The following ST7 variants were observed in gnomAD, a reference collection of about 807,000 sequenced individuals.
The protein encoded by ST7 is suppression of tumorigenicity 7, also known as suppressor of tumorigenicity 7 protein.
In ST7, 28 loss-of-function variants were observed where a neutral mutation model predicts 78.7. The observed-to-expected ratio is 0.36, with a 90% confidence interval of 0.26 to 0.49. The LOEUF (loss-of-function observed/expected upper bound fraction) is 0.49, where lower values mean the gene tolerates loss of function less well. Ranked by LOEUF, ST7 falls within the 20% of genes least tolerant of loss-of-function variation. The pLI is 0.99. For missense variants in ST7, 418 were observed against 696.0 expected (o/e 0.60, Z 4.49); for synonymous variants, 247 against 249.6 (o/e 0.99, Z 0.10).
At chr7:116,955,653 T>A (rs1792431657) in intron 1 of ST7, among the ~76,000 whole-genome samples, 1 of 152,242 alleles carries the variant, frequency 6.6e-6, no homozygotes, top group African/African-American at 2.4e-5. Flanking sequence ...CATTTGTATA[T>A]CACATTTTCA....
chr7:117,131,170 A>G (rs891005991), intron 5 of ST7, among the ~76,000 whole-genome samples: 28 of 151,966 alleles, frequency 1.8e-4, no homozygotes, highest in Non-Finnish European at 2.9e-4. Context: ...ATTCAAAGTA[A>G]ATAGGTGAAA....
chr7:117,171,100 A>G (rs939433080), intron 10 of ST7, 124 bp downstream of exon 10: 7 of 489,524 alleles, frequency 1.4e-5, no homozygotes, highest in Non-Finnish European at 2.4e-5. Context: ...TAGAATTTTC[A>G]CCTACAGTTT....
chr7:117,058,439 A>G (rs1290683782), intron 1 of ST7, among the ~76,000 whole-genome samples: 4 of 151,986 alleles, frequency 2.6e-5, no homozygotes, highest in South Asian at 2.1e-4. Context: ...TATCTTTTCT[A>G]TTGGTTGTTA....
At chr7:117,044,389 C>T (rs971588753) in intron 1 of ST7, among the ~76,000 whole-genome samples, 78 of 151,974 alleles carry the variant, frequency 5.1e-4, no homozygotes, top group African/African-American at 3.1e-4. Context: ...GCGTTTTTTT[C>T]GAGACAGAGT....
intron 9 of ST7, among the ~76,000 whole-genome samples, chr7:117,161,653 G>A (rs1807167228): frequency 7.2e-6 from 1 of 139,784 alleles, no homozygotes; most frequent in Non-Finnish European, 1.5e-5. Context: ...AGGCTGGAGT[G>A]CAATGACGCA....
chr7:116,969,309 T>C (rs570094713), intron 1 of ST7, among the ~76,000 whole-genome samples: 26 of 152,350 alleles, frequency 1.7e-4, no homozygotes, highest in African/African-American at 6.0e-4. Context: ...TTTCAGACTT[T>C]CCTTGTTTTT....
Position 117,115,248 on chromosome 7 carries a change from A to G in ST7, c.235-4313A>G, listed in dbSNP as rs560256298. ...CAGTTATTGCCTTCTAACCTGGGAA[A>G]CAGCTCATATCACACTCTACTTTCC... On this transcript the variant is annotated intron_variant, in intron 2 of 15. Coordinates refer to ENST00000323984, the MANE Select transcript of ST7 (RefSeq NM_001369598.1). Among the ~76,000 whole-genome samples, 58 of 152,094 alleles carry G rather than the reference A, an allele frequency of 3.8e-4. 1 individual carries two copies. Among genetic ancestry groups the G allele is most frequent in the Non-Finnish European group, 4.6e-4 (31 of 68,026 alleles).
At chr7:117,154,201 C>G (rs1806505941) in intron 9 of ST7, among the ~76,000 whole-genome samples, 1 of 152,076 alleles carries the variant, frequency 6.6e-6, no homozygotes, top group South Asian at 2.1e-4. Context: ...AAGACCAGTG[C>G]CCTTATAAGA....
chr7:117,116,572 C>T (rs1339983314), intron 2 of ST7, among the ~76,000 whole-genome samples: 10 of 152,104 alleles, frequency 6.6e-5, no homozygotes, highest in Admixed American at 6.6e-4. Context: ...GCTTTGAGTT[C>T]TTCCCTTCTT....
intron 3 of ST7, among the ~76,000 whole-genome samples, chr7:117,125,890 G>A (rs1240814032): frequency 1.3e-5 from 2 of 152,060 alleles, no homozygotes; most frequent in Non-Finnish European, 2.9e-5. Context: ...TAACAGGTTT[G>A]TTGCATGTAA....
rs146950753 is a variant in ST7, at chr7:116,999,292, A to G, written c.151+45601A>G. On this transcript the variant is annotated intron_variant, in intron 1 of 15. Transcript: ENST00000323984. ...TACTGCTGTCATCTTAGAGTTTCAA[A>G]TAGTAGAGAGGTAGAAAAATATTTT... Among the ~76,000 whole-genome samples, 42 of 152,330 alleles carry G rather than the reference A, an allele frequency of 2.8e-4. No individual in the cohort carries two copies. In the East Asian group the frequency reaches 7.9e-3, roughly 29 times the overall value.
chr7:116,959,654 A>G (rs1002816422), intron 1 of ST7: 1 of 154,930 alleles, frequency 6.5e-6, no homozygotes, highest in African/African-American at 2.4e-5. Context: ...ATGATGGGCC[A>G]TATGCATCTA....
intron 1 of ST7, chr7:117,073,849 C>T (rs1174412088): frequency 6.6e-6 from 1 of 152,206 alleles, no homozygotes; most frequent in Non-Finnish European, 1.5e-5. Flanking sequence ...CAGGAACTAA[C>T]TTAGACTTTT....
At chr7:116,962,768 G>T (rs1277337258) in intron 1 of ST7, among the ~76,000 whole-genome samples, 1 of 152,156 alleles carries the variant, frequency 6.6e-6, no homozygotes, top group East Asian at 1.9e-4. Context: ...TTCTTTTGCT[G>T]TGCAGAAGCT....
chr7:117,191,365 G>C (rs1809760379), intron 12 of ST7, among the ~76,000 whole-genome samples: 1 of 152,128 alleles, frequency 6.6e-6, no homozygotes, highest in Non-Finnish European at 1.5e-5. Flanking sequence ...ATAGTAATCA[G>C]TATTGGCAAG....
chr7:117,134,147 C>T lies in ST7; in HGVS notation c.665C>T (p.Pro222Leu). The T allele has an allele frequency of 6.2e-7, 1 of 1,611,834 alleles. No homozygotes were observed. The highest frequency in any genetic ancestry group is 8.5e-7 in the Non-Finnish European group (1 of 1,178,716). ...INEIRSRVEV[P>L]LIASSTIWEI... The stretch of plus-strand genomic sequence containing the variant: ...AGAATTAGGTCCAGAGTTGAAGTTC[C>T]CCTAATTGCTTCCTCTACCATCTGG... The change falls in exon 7 of 16, where the codon CCC becomes CTC. Residue 222 changes from proline (P) to leucine (L), a missense_variant. Transcript: ENST00000323984.
chr7:117,189,460 C>G, intron 11 of ST7, 67 bp downstream of exon 11: 1 of 1,319,822 alleles, frequency 7.6e-7, no homozygotes, highest in Non-Finnish European at 1.0e-6. Context: ...CCTCTGAGGG[C>G]TTTCTCTGGA....
At chr7:117,176,709 C>A (rs899872945) in intron 10 of ST7, among the ~76,000 whole-genome samples, 2 of 152,152 alleles carry the variant, frequency 1.3e-5, no homozygotes, top group Non-Finnish European at 2.9e-5. Context: ...TGTGAGATGT[C>A]TGGAGGTCCA....
chr7:117,222,475 AT>A (rs994735521), intron 15 of ST7, among the ~76,000 whole-genome samples: 1 of 152,080 alleles, frequency 6.6e-6, no homozygotes. Flanking sequence ...GATTTAAATA[AT>A]TTTTTTTAAT....
Sources: gnomAD v4.1 joint callset for allele counts (sites outside exome capture counted in the v4.1 genomes callset) on GRCh38, gnomAD v4.1.1 for gene constraint, MANE v1.5 for transcripts, NCBI Gene and HGNC (gene_info 2026-07-23, HGNC 2026-07-21) for gene names.